LAMA2: variants seen among roughly 807,000 people sequenced by gnomAD.
LAMA2 encodes laminin subunit alpha 2.
A neutral mutation model predicts 364.8 loss-of-function variants in LAMA2; 269 were observed. That is an observed-to-expected ratio of 0.74 (90% CI 0.67 to 0.82). The LOEUF is 0.82. LAMA2 is among the 40% of genes least tolerant of loss of function. LAMA2 has a pLI of 0.00. For missense variants in LAMA2, 3,807 were observed against 3,873.2 expected (o/e 0.98, Z 0.45); for synonymous variants, 1,379 against 1,370.6 (o/e 1.01, Z -0.14).
chr6:128,984,806 G>A (rs4897286), intron 1 of LAMA2, among the ~76,000 whole-genome samples: 139,530 of 152,128 alleles, frequency 0.92, 64,427 homozygotes, highest in East Asian at 0.97. Context: ...CTGAGGGAGT[G>A]TCAGCTACTG....
intron 37 of LAMA2, among the ~76,000 whole-genome samples, chr6:129,397,365 TA>T (rs1390464643): frequency 6.6e-6 from 1 of 152,204 alleles, no homozygotes; most frequent in Non-Finnish European, 1.5e-5. Context: ...TGTACTCATC[TA>T]ATCTTTCTTT....
At chr6:129,153,550 T>G (rs968809027) in intron 7 of LAMA2, among the ~76,000 whole-genome samples, 1 of 152,224 alleles carries the variant, frequency 6.6e-6, no homozygotes, top group Non-Finnish European at 1.5e-5. Context: ...GTGCAGACTC[T>G]GGAGTCTGGC....
chr6:129,128,827 A>C (rs1477721706), intron 4 of LAMA2, among the ~76,000 whole-genome samples: 1 of 152,198 alleles, frequency 6.6e-6, no homozygotes, highest in Non-Finnish European at 1.5e-5. Flanking sequence ...AAAATCCTTT[A>C]TTCTGTAAAT....
intron 12 of LAMA2, among the ~76,000 whole-genome samples, chr6:129,221,963 T>C (rs1306794995): frequency 1.3e-5 from 2 of 152,230 alleles, no homozygotes; most frequent in African/African-American, 4.8e-5. Flanking sequence ...AGCATGATGG[T>C]CTTTATAAGC....
chr6:128,954,180 A>G (rs1781006806), intron 1 of LAMA2, among the ~76,000 whole-genome samples: 1 of 152,108 alleles, frequency 6.6e-6, no homozygotes, highest in South Asian at 2.1e-4. Context: ...GCATGTTGTC[A>G]TTATTATTAG....
chr6:129,487,815 A>C (rs1209415900), intron 56 of LAMA2, among the ~76,000 whole-genome samples: 1 of 152,166 alleles, frequency 6.6e-6, no homozygotes, highest in African/African-American at 2.4e-5. Flanking sequence ...ATGAGGGATC[A>C]TTTATTTGGA....
intron 1 of LAMA2, among the ~76,000 whole-genome samples, chr6:129,034,374 C>A (rs547403056): frequency 6.6e-6 from 1 of 152,202 alleles, no homozygotes; most frequent in South Asian, 2.1e-4. Context: ...TTTGAAGTCA[C>A]TGTTACAGAG....
At chr6:128,936,939 C>T (rs961021416) in intron 1 of LAMA2, among the ~76,000 whole-genome samples, 3 of 151,758 alleles carry the variant, frequency 2.0e-5, no homozygotes, top group South Asian at 2.1e-4. Context: ...TCCAACAGGT[C>T]GGTTGTGATA....
At chr6:128,952,387 A>G (rs1483208446) in intron 1 of LAMA2, among the ~76,000 whole-genome samples, 1 of 152,090 alleles carries the variant, frequency 6.6e-6, no homozygotes, top group African/African-American at 2.4e-5. Context: ...TATCAACAGC[A>G]AAGAATTTTG....
intron 12 of LAMA2, among the ~76,000 whole-genome samples, chr6:129,247,181 G>A (rs958229608): frequency 4.6e-5 from 7 of 152,176 alleles, no homozygotes; most frequent in African/African-American, 1.7e-4. Flanking sequence ...TGAGCGTGGT[G>A]GCTCACACCT....
chr6:129,190,118 A>G, intron 10 of LAMA2, 87 bp from the exon 11 acceptor site: 2 of 1,281,234 alleles, frequency 1.6e-6, no homozygotes, highest in Non-Finnish European at 1.1e-6. Flanking sequence ...TGAAGAATGT[A>G]CAGTTAATAT....
rs529251470 is a variant in LAMA2, at chr6:129,138,386, CAG to C, written c.640-5513_640-5512del. On this transcript the variant is annotated intron_variant, in intron 4 of 64. Transcript: ENST00000421865. Reference sequence around the variant, plus strand: ...AAAATATGAAGTAAAGGAAAATTGACAGAATACTTCAAAAACTGTGCCTGATA... The same window carrying C: ...AAAATATGAAGTAAAGGAAAATTGACAATACTTCAAAAACTGTGCCTGATA... Among the ~76,000 whole-genome samples the C allele has an allele frequency of 2.5e-3, 375 of 152,048 alleles. 1 individual carries two copies. The highest frequency in any genetic ancestry group is 4.2e-3 in the Non-Finnish European group (283 of 67,922).
chr6:128,975,074 G>A (rs1782442724), intron 1 of LAMA2, among the ~76,000 whole-genome samples: 1 of 152,034 alleles, frequency 6.6e-6, no homozygotes, highest in African/African-American at 2.4e-5. Context: ...GGATGGTCTT[G>A]ATCTCCTGAC....
At chr6:128,972,726 A>G (rs1782263063) in intron 1 of LAMA2, among the ~76,000 whole-genome samples, 1 of 152,140 alleles carries the variant, frequency 6.6e-6, no homozygotes, top group African/African-American at 2.4e-5. Context: ...AATACATGCC[A>G]GATTAAAAAA....
At chr6:129,143,780 T>A (rs1778262813) in intron 4 of LAMA2, 121 bp from the exon 5 acceptor site, 1 of 722,954 alleles carries the variant, frequency 1.4e-6, no homozygotes, top group African/African-American at 1.8e-5. Context: ...GGCATGTACC[T>A]GAATCTGCGT....
At chr6:129,465,394 C>T (rs1783492630) in intron 51 of LAMA2, 105 bp downstream of exon 51, 8 of 1,004,964 alleles carry the variant, frequency 8.0e-6, no homozygotes, top group East Asian at 2.5e-5. Context: ...TAGCTACTCA[C>T]GAGTTCAGTG....
intron 27 of LAMA2, among the ~76,000 whole-genome samples, chr6:129,316,746 T>G (rs1422530549): frequency 6.6e-6 from 1 of 152,202 alleles, no homozygotes; most frequent in South Asian, 2.1e-4. Context: ...TATTCCGTGT[T>G]TTCTTATGAC....
chr6:128,910,463 C>T (rs894538658), intron 1 of LAMA2, among the ~76,000 whole-genome samples: 5 of 152,040 alleles, frequency 3.3e-5, no homozygotes, highest in African/African-American at 4.8e-5. Context: ...TCACGTAGTT[C>T]TCGAGCCTTG....
intron 1 of LAMA2, among the ~76,000 whole-genome samples, chr6:128,937,954 C>T (rs908982322): frequency 4.0e-5 from 6 of 151,716 alleles, no homozygotes; most frequent in Admixed American, 3.9e-4. Context: ...TTTGCTGCAT[C>T]CCAGAAGTTT....
Sources: gnomAD v4.1 joint callset for allele counts (sites outside exome capture counted in the v4.1 genomes callset) on GRCh38, gnomAD v4.1.1 for gene constraint, MANE v1.5 for transcripts, NCBI Gene and HGNC (gene_info 2026-07-23, HGNC 2026-07-21) for gene names.